Variants in SAP18 observed in about 807,000 individuals in gnomAD.
SAP18 encodes the protein Sin3A associated protein 18, also known as histone deacetylase complex subunit SAP18.
In SAP18, 4 loss-of-function variants were observed where a neutral mutation model predicts 18.6. The ratio of observed to expected loss-of-function variants is 0.21; its 90% CI spans 0.11 to 0.49. The LOEUF (loss-of-function observed/expected upper bound fraction) is 0.49, where lower values mean the gene tolerates loss of function less well. Among genes scored for constraint, SAP18 ranks in the 20% least tolerant of loss-of-function variants. SAP18 has a pLI of 0.98. For synonymous variants in SAP18, 112 were observed against 82.8 expected (o/e 1.35, Z -1.92); for missense variants, 170 against 226.4 (o/e 0.75, Z 1.60).
intron 2 of SAP18, among the ~76,000 whole-genome samples, chr13:21,143,079 TATTTC>T (rs373638654): frequency 6.8e-4 from 104 of 152,356 alleles, no homozygotes; most frequent in African/African-American, 2.4e-3. Flanking sequence ...GGCTGAATCA[TATTTC>T]ATTGTATGTG....
chr13:21,144,484 T>C (rs918745463), intron 2 of SAP18, among the ~76,000 whole-genome samples: 3 of 151,268 alleles, frequency 2.0e-5, no homozygotes, highest in Admixed American at 2.0e-4. Flanking sequence ...TCTAGGCCCT[T>C]AATTGTCAAA....
At chr13:21,140,559 G>A (rs1444936387) in exon 1 of SAP18, 2 of 1,593,706 alleles carry the variant, frequency 1.3e-6, no homozygotes, top group Non-Finnish European at 1.7e-6. Flanking sequence ...GCTCATGCTC[G>A]CTGCAGGGGT....
At chr13:21,140,352 G>A (rs779497959), upstream of SAP18, among the ~76,000 whole-genome samples, 45 of 152,298 alleles carry the variant, frequency 3.0e-4, no homozygotes, top group Non-Finnish European at 5.6e-4. Flanking sequence ...AAAACATCCC[G>A]GCAACCAACT....
At chr13:21,140,475 C>T (rs1869405454), upstream of SAP18, 6 of 1,468,026 alleles carry the variant, frequency 4.1e-6, no homozygotes, top group South Asian at 1.3e-5. Context: ...GGAAGTGCGC[C>T]TGCGCCAGGA....
At chr13:21,147,574 CTG>C (rs1178936096) in exon 4 of SAP18, 4 of 482,258 alleles carry the variant, frequency 8.3e-6, no homozygotes, top group African/African-American at 5.9e-5. Flanking sequence ...CTGTGTAAAA[CTG>C]TACTGTTAAA....
At chr13:21,148,867 C>G (rs1040493509) in exon 4 of SAP18, 1 of 151,984 alleles carries the variant, frequency 6.6e-6, no homozygotes, top group Non-Finnish European at 1.5e-5. Flanking sequence ...CAAATTCCAC[C>G]CTTTGCTTGG....
chr13:21,145,819 A>G (rs184209832), intron 2 of SAP18, among the ~76,000 whole-genome samples: 7 of 152,288 alleles, frequency 4.6e-5, no homozygotes, highest in African/African-American at 1.4e-4. Flanking sequence ...GCACCTGGCA[A>G]AAAAATGTAT....
chr13:21,140,267 G>A (rs1316289557), upstream of SAP18, among the ~76,000 whole-genome samples: 1 of 152,186 alleles, frequency 6.6e-6, no homozygotes, highest in Admixed American at 6.5e-5. Flanking sequence ...AACGCTTTGT[G>A]TCCAATAAGG....
exon 1 of SAP18, chr13:21,140,528 T>G: frequency 1.3e-6 from 2 of 1,562,414 alleles, no homozygotes; most frequent in South Asian, 1.2e-5. Context: ...GTGTCGAGCT[T>G]CTCCTCGCGA....
chr13:21,140,337 G>T (rs943134832), upstream of SAP18, among the ~76,000 whole-genome samples: 1 of 152,182 alleles, frequency 6.6e-6, no homozygotes, highest in East Asian at 1.9e-4. Flanking sequence ...AATATTTAAG[G>T]GAAAAAAACA....
exon 4 of SAP18, chr13:21,148,599 T>C (rs1054217242): frequency 9.9e-5 from 15 of 152,200 alleles, no homozygotes; most frequent in African/African-American, 3.6e-4. Context: ...CTGTTAGCAA[T>C]GGCAGAGACC....
intron 2 of SAP18, 88 bp from the exon 3 acceptor site, chr13:21,146,717 A>G: frequency 9.8e-7 from 1 of 1,024,562 alleles, no homozygotes; most frequent in South Asian, 1.8e-5. Flanking sequence ...CAACTCAGAT[A>G]TATGTAATTA....
At chr13:21,142,589 AGTG>A (rs1216348520) in intron 2 of SAP18, among the ~76,000 whole-genome samples, 2 of 152,062 alleles carry the variant, frequency 1.3e-5, no homozygotes, top group Non-Finnish European at 2.9e-5. Context: ...GGCTTCCCAA[AGTG>A]GTAGGTTTAC....
chr13:21,147,622 TG>T lies in SAP18; in HGVS notation c.*282del, dbSNP rs1869693990. On this transcript the variant is annotated 3_prime_UTR_variant, in exon 4 of 4. Coordinates refer to ENST00000621421, the Ensembl canonical transcript of SAP18. ...TAATCAGCCTGAGTGTGAAAGTTAA[TG>T]GAGGCCTGGGAACAGGGTTTATACT... is the stretch of plus-strand genomic sequence containing the variant. The T allele has an allele frequency of 9.0e-6, 3 of 332,828 alleles. No homozygotes were observed. The South Asian group carries it at 1.1e-4, about 13-fold the overall frequency. 20.6% of individuals were successfully genotyped at this position (332,828 alleles called of 1,614,324 possible).
intron 3 of SAP18, 53 bp from the exon 4 acceptor site, chr13:21,147,133 A>G: frequency 2.6e-6 from 4 of 1,564,220 alleles, no homozygotes; most frequent in Non-Finnish European, 3.5e-6. Flanking sequence ...TTTGTAGTAC[A>G]TACTGGGTTT....
intron 2 of SAP18, 192 bp from the exon 3 acceptor site, chr13:21,146,613 G>A (rs559371700): frequency 2.0e-5 from 8 of 409,326 alleles, no homozygotes; most frequent in Middle Eastern, 6.9e-4. Context: ...CAGCAGTAAG[G>A]CTGGTACATG....
At chr13:21,144,259 G>A (rs186572558) in intron 2 of SAP18, among the ~76,000 whole-genome samples, 38 of 152,102 alleles carry the variant, frequency 2.5e-4, no homozygotes, top group African/African-American at 6.5e-4. Flanking sequence ...ACAAAAATTA[G>A]CCAGGCATGG....
exon 4 of SAP18, chr13:21,147,274 T>A: frequency 6.2e-7 from 1 of 1,614,122 alleles, no homozygotes; most frequent in Non-Finnish European, 8.5e-7. Context: ...GATAGGAGAT[T>A]ACTTGGACAT....
chr13:21,140,915 C>G lies in SAP18; in HGVS notation c.159C>G (p.Thr53=), dbSNP rs758038116. The change falls in exon 2 of 4, where the codon ACC becomes ACG. Residue 53 remains threonine (T), a synonymous_variant. Transcript: ENST00000621421. ...GCCCACTGTTGCTACGGGTCTTCAC[C>G]ACCAATAACGGCCGCCACCACCGAA... The G allele has an allele frequency of 5.0e-6, 8 of 1,613,902 alleles. No individual in the cohort carries two copies. The South Asian group carries it at 8.8e-5, about 18-fold the overall frequency.
Sources: allele counts gnomAD v4.1 joint callset (sites outside exome capture counted in the v4.1 genomes callset), GRCh38; gene constraint gnomAD v4.1.1; transcripts MANE v1.5; gene names NCBI Gene and HGNC (gene_info 2026-07-23, HGNC 2026-07-21).